The following GFM2 variants were observed in gnomAD, a reference collection of about 807,000 sequenced individuals.
GFM2 encodes the protein ribosome-releasing factor 2, mitochondrial.
Under a neutral mutation model 95.4 loss-of-function variants are expected in GFM2, and 72 were observed. The ratio of observed to expected loss-of-function variants is 0.76; its 90% confidence interval spans 0.62 to 0.92. GFM2 has a LOEUF of 0.92. Among genes scored for constraint, GFM2 ranks in the 40% least tolerant of loss-of-function variants. The pLI is 0.00. For missense variants in GFM2, 825 were observed against 924.1 expected (o/e 0.89, Z 1.39); for synonymous variants, 276 against 317.5 (o/e 0.87, Z 1.39).
At chr5:74,756,141 A>G (rs780108780) in intron 5 of GFM2, among the ~76,000 whole-genome samples, 39 of 152,198 alleles carry the variant, frequency 2.6e-4, no homozygotes, top group Non-Finnish European at 4.6e-4. Flanking sequence ...CAGAAAAAGC[A>G]TTTGACAAAA....
intron 12 of GFM2, 41 bp downstream of exon 12, chr5:74,739,948 T>C: frequency 7.3e-7 from 1 of 1,360,594 alleles, no homozygotes; most frequent in East Asian, 2.7e-5. Context: ...ACTTGTTTCT[T>C]CAAAGCTATA....
At chr5:74,723,326 T>C (rs1165458069) in intron 19 of GFM2, among the ~76,000 whole-genome samples, 1 of 152,212 alleles carries the variant, frequency 6.6e-6, no homozygotes, top group Non-Finnish European at 1.5e-5. Context: ...TGCTTTGGGA[T>C]AGTGTCTGAA....
At chr5:74,736,681 T>G in intron 15 of GFM2, 115 bp downstream of exon 15, 1 of 1,522,154 alleles carries the variant, frequency 6.6e-7, no homozygotes, top group Non-Finnish European at 8.8e-7. Context: ...TGTTTACCAA[T>G]ATATTCAGAT....
intron 15 of GFM2, chr5:74,736,300 G>A: frequency 2.3e-6 from 2 of 860,164 alleles, no homozygotes; most frequent in Admixed American, 6.2e-5. Flanking sequence ...TGTGCTAGAA[G>A]TAATGAGAAG....
At chr5:74,741,118 T>A (rs1226850899) in intron 11 of GFM2, among the ~76,000 whole-genome samples, 1 of 152,156 alleles carries the variant, frequency 6.6e-6, no homozygotes, top group African/African-American at 2.4e-5. Context: ...TGAGTTTCCA[T>A]GAAAAATTTA....
intron 5 of GFM2, among the ~76,000 whole-genome samples, chr5:74,758,606 CT>C (rs1184901682): frequency 6.6e-6 from 1 of 152,182 alleles, no homozygotes; most frequent in African/African-American, 2.4e-5. Context: ...GGTTCCTGTC[CT>C]GTAGCATTCT....
rs1580045652 is a variant in GFM2 at position 74,766,987 on chromosome 5, A to T, written c.-74T>A. ...GCCAGCTCTCACCGCTGGGCTCTTG[A>T]AGCAGGAGGCGCGAGCCGCGCCAAA... On this transcript the variant is annotated 5_prime_UTR_variant, in exon 1 of 21. Transcript: ENST00000296805. The T allele has an allele frequency of 4.5e-6, 1 of 223,848 alleles. No individual in the cohort carries two copies. The highest frequency in any genetic ancestry group is 1.1e-4 in the East Asian group (1 of 9,420). The allele number at this position is 223,848 out of a possible 1,614,324, so 13.9% of individuals were successfully genotyped here.
chr5:74,725,627 G>C lies in GFM2; in HGVS notation c.2028+13C>G, dbSNP rs761126662. 1.9e-6 allele frequency: 3 copies of C among 1,547,826 alleles called. No homozygotes were observed. The East Asian group carries it at 6.7e-5, about 35-fold the overall frequency. On this transcript the variant is annotated intron_variant, in intron 19 of 20. Transcript: ENST00000296805. ...GTCACCTTAAAGCCATAAGGATTAG[G>C]ATAGTTCTATACCTTTTGCACGCAT...
At chr5:74,761,889 G>T (rs10515192) in intron 2 of GFM2, among the ~76,000 whole-genome samples, 1 of 152,014 alleles carries the variant, frequency 6.6e-6, no homozygotes, top group Non-Finnish European at 1.5e-5. Flanking sequence ...CATGAACTGC[G>T]TATCTGTGCG....
In GFM2 at chr5:74,738,326, G is replaced by A. The variant is rs1202152287; in HGVS notation, c.1312C>T (p.Leu438Phe). Residue 438 changes from leucine to phenylalanine, a missense_variant, in exon 14 of 21, where the codon CTT becomes TTT. By Grantham distance (22) the Leu-to-Phe change is conservative. Coordinates refer to ENST00000296805, the MANE Select transcript of GFM2 (RefSeq NM_032380.5). ...ATCATTTGGTCACTTACATGTTTAA[G>A]CCCAACAGTCAAAGCAATGTTACCA... ...TAGNIALTVG[L>F]KHTATGDTIV... The A allele has an allele frequency of 1.2e-6, 2 of 1,611,206 alleles. No individual in the cohort carries two copies. Among genetic ancestry groups the A allele is most frequent in the African/African-American group, 2.7e-5 (2 of 74,882 alleles).
rs59475923 is a variant in GFM2, at chr5:74,758,967, AG to A, written c.207-22del. 184,584 of 1,487,986 alleles carry A rather than the reference AG, an allele frequency of 0.12. 13,212 individuals are homozygous for A. The highest frequency in any genetic ancestry group is 0.28 in the African/African-American group (19,986 of 72,110). 92.2% of individuals were successfully genotyped at this position (1,487,986 alleles called of 1,614,324 possible). A position where few individuals can be genotyped will look rare whatever the true frequency, so the allele number is the denominator to read the frequency against. On this transcript the variant is annotated intron_variant, in intron 4 of 20. Transcript: ENST00000296805. ...GGATTCTGTTTAAAAGGAAAAAATA[AG>A]GTAAACTTTACTAAAATTGTAAAAC...
At chr5:74,744,783 A>G (rs997050426) in intron 10 of GFM2, among the ~76,000 whole-genome samples, 2 of 152,202 alleles carry the variant, frequency 1.3e-5, no homozygotes, top group Non-Finnish European at 1.5e-5. Context: ...AAATGTTCAT[A>G]GCCACATTGT....
intron 1 of GFM2, among the ~76,000 whole-genome samples, chr5:74,764,472 C>G (rs189736038): frequency 1.1e-3 from 170 of 152,248 alleles, no homozygotes; most frequent in African/African-American, 3.9e-3. Flanking sequence ...AATTCGTAAA[C>G]TTTCTTAAAA....
At chr5:74,727,179 G>A (rs975840441) in intron 17 of GFM2, among the ~76,000 whole-genome samples, 2 of 151,816 alleles carry the variant, frequency 1.3e-5, no homozygotes, top group African/African-American at 4.8e-5. Context: ...ATATATACAT[G>A]TTTATATATA....
intron 10 of GFM2, among the ~76,000 whole-genome samples, chr5:74,742,199 T>C (rs748087491): frequency 6.6e-6 from 1 of 150,610 alleles, no homozygotes; most frequent in Non-Finnish European, 1.5e-5. Context: ...GCTGACAAAT[T>C]AATAAAACAG....
At chr5:74,754,796 GTCA>G (rs1743896018) in intron 5 of GFM2, among the ~76,000 whole-genome samples, 1 of 152,066 alleles carries the variant, frequency 6.6e-6, no homozygotes, top group African/African-American at 2.4e-5. Flanking sequence ...CACTAGACAG[GTCA>G]TCAAGACAAA....
chr5:74,736,987 T>C lies in GFM2; in HGVS notation c.1321-2A>G, dbSNP rs868448147. 2 of 1,612,764 alleles carry C rather than the reference T, an allele frequency of 1.2e-6. No individual in the cohort carries two copies. Among genetic ancestry groups the C allele is most frequent in the African/African-American group, 2.7e-5 (2 of 74,876 alleles). On this transcript the variant is annotated splice_acceptor_variant, in intron 14 of 20. Coordinates refer to ENST00000296805, the MANE Select transcript of GFM2 (RefSeq NM_032380.5). LOFTEE classifies it high-confidence loss of function. Reference sequence around the variant, plus strand: ...GACAATGGTGTCTCCAGTGGCAGTCTGCAAGCAAACAAGATGACTTGGAAC... The same window carrying C: ...GACAATGGTGTCTCCAGTGGCAGTCCGCAAGCAAACAAGATGACTTGGAAC...
chr5:74,764,956 T>C (rs1411914042), intron 1 of GFM2: 1 of 208,220 alleles, frequency 4.8e-6, no homozygotes, highest in Non-Finnish European at 1.0e-5. Flanking sequence ...TGGCTACTTT[T>C]TGTATTTTTA....
At chr5:74,755,750 T>C (rs1479615089) in intron 5 of GFM2, among the ~76,000 whole-genome samples, 3 of 152,088 alleles carry the variant, frequency 2.0e-5, no homozygotes, top group African/African-American at 7.2e-5. Flanking sequence ...AAAAAAAGTC[T>C]AGGACCAGAT....
Sources: allele counts gnomAD v4.1 joint callset (sites outside exome capture counted in the v4.1 genomes callset), GRCh38; gene constraint gnomAD v4.1.1; transcripts MANE v1.5; gene names NCBI Gene and HGNC (gene_info 2026-07-23, HGNC 2026-07-21).